The following INPP4B variants were observed in gnomAD, a reference collection of about 807,000 sequenced individuals.
The protein encoded by INPP4B is inositol polyphosphate 4-phosphatase type II.
INPP4B carries 55 observed loss-of-function variants against 122.5 expected under a neutral mutation model. That is an observed-to-expected ratio of 0.45 (90% CI 0.36 to 0.56). The LOEUF (loss-of-function observed/expected upper bound fraction) is 0.56, where lower values mean the gene tolerates loss of function less well. INPP4B is among the 20% of genes least tolerant of loss of function. INPP4B has a pLI of 0.00. For missense variants in INPP4B, 1,000 were observed against 1,097.7 expected (o/e 0.91, Z 1.26); for synonymous variants, 403 against 388.7 (o/e 1.04, Z -0.43).
chr4:142,067,551 C>A (rs924593454), intron 25 of INPP4B, among the ~76,000 whole-genome samples: 2 of 152,120 alleles, frequency 1.3e-5, no homozygotes, highest in Non-Finnish European at 1.5e-5. Context: ...GGAGGATGTT[C>A]AAACCCATTG....
At chr4:142,278,356 CAG>C (rs928650383) in intron 9 of INPP4B, among the ~76,000 whole-genome samples, 2 of 151,850 alleles carry the variant, frequency 1.3e-5, no homozygotes, top group African/African-American at 4.8e-5. Context: ...TTAGTGTAGA[CAG>C]AGAGAGCTCC....
chr4:142,136,821 T>C (rs1190694417), intron 18 of INPP4B, among the ~76,000 whole-genome samples: 1 of 152,128 alleles, frequency 6.6e-6, no homozygotes, highest in Admixed American at 6.5e-5. Context: ...TTCATTAAGA[T>C]ATCAAGGACA....
chr4:142,766,336 A>C (rs1237279496), intron 1 of INPP4B, among the ~76,000 whole-genome samples: 2 of 152,010 alleles, frequency 1.3e-5, no homozygotes. Context: ...TCATTAAATA[A>C]TTCGTTTATG....
chr4:142,033,351 C>A (rs1232832028), intron 25 of INPP4B, among the ~76,000 whole-genome samples: 1 of 152,118 alleles, frequency 6.6e-6, no homozygotes, highest in Non-Finnish European at 1.5e-5. Flanking sequence ...GACCATGGGC[C>A]AGTGGTCATT....
intron 7 of INPP4B, among the ~76,000 whole-genome samples, chr4:142,367,201 T>TGC (rs1409627620): frequency 6.6e-6 from 1 of 151,480 alleles, no homozygotes; most frequent in Non-Finnish European, 1.5e-5. Context: ...TGTGTGTGTG[T>TGC]GTGTGTGTGT....
intron 2 of INPP4B, among the ~76,000 whole-genome samples, chr4:142,633,230 T>C (rs1410601291): frequency 6.6e-6 from 1 of 152,034 alleles, no homozygotes; most frequent in Non-Finnish European, 1.5e-5. Flanking sequence ...CACCTAATAC[T>C]ATAGTTTCAA....
At position 142,838,022 on chromosome 4, in the gene INPP4B, G is replaced by A. The variant is rs541750890; in HGVS notation, c.-254+8187C>T. On this transcript the variant is annotated intron_variant, in intron 1 of 25. Coordinates refer to ENST00000262992, the MANE Select transcript of INPP4B (RefSeq NM_001101669.3). ...AAGCTAGACAAGTGCTTACAGCCAT[G>A]GGAAAGTGGTGTTTTTTTTTTTTTA... Among the ~76,000 whole-genome samples, 24 of 149,482 alleles carry A rather than the reference G, an allele frequency of 1.6e-4. No homozygotes were observed. In the South Asian group the frequency reaches 3.7e-3, roughly 23 times the overall value.
chr4:142,488,926 C>G (rs1821515890), intron 2 of INPP4B, among the ~76,000 whole-genome samples: 1 of 151,976 alleles, frequency 6.6e-6, no homozygotes, highest in Non-Finnish European at 1.5e-5. Flanking sequence ...CCTTTTCAAG[C>G]CTTTTAACGT....
At chr4:142,411,570 T>C (rs1393766067) in intron 5 of INPP4B, among the ~76,000 whole-genome samples, 1 of 152,038 alleles carries the variant, frequency 6.6e-6, no homozygotes, top group Non-Finnish European at 1.5e-5. Flanking sequence ...CAGAGGACAT[T>C]GGCATCCTAG....
At chr4:142,537,429 T>TATAGAGAGAG (rs1200701380) in intron 2 of INPP4B, among the ~76,000 whole-genome samples, 13 of 25,480 alleles carry the variant, frequency 5.1e-4, no homozygotes, top group Non-Finnish European at 1.0e-3. Flanking sequence ...TATATATATA[T>TATAGAGAGAG]AGAGAGAGAG....
chr4:142,354,984 G>T (rs929265786), intron 7 of INPP4B, among the ~76,000 whole-genome samples: 3 of 152,028 alleles, frequency 2.0e-5, no homozygotes, highest in East Asian at 2.0e-4. Flanking sequence ...CTCGTGGCTC[G>T]AGTGGGGCTT....
At chr4:142,231,870 G>GA (rs1854524998) in intron 12 of INPP4B, among the ~76,000 whole-genome samples, 1 of 152,010 alleles carries the variant, frequency 6.6e-6, no homozygotes, top group Non-Finnish European at 1.5e-5. Flanking sequence ...ATTATAAAAA[G>GA]AAAGTATAGG....
At chr4:142,096,755 A>G (rs895427031) in intron 23 of INPP4B, among the ~76,000 whole-genome samples, 13 of 152,162 alleles carry the variant, frequency 8.5e-5, no homozygotes, top group Non-Finnish European at 1.6e-4. Flanking sequence ...AAAATATATG[A>G]ACAGAAAATA....
rs573982300 is a variant in INPP4B at position 142,117,316 on chromosome 4, C to T, written c.2136-4634G>A. On this transcript the variant is annotated intron_variant, in intron 21 of 25. Transcript: ENST00000262992. ...ATCCTCCCTAACTCACTTTATGAGG[C>T]CAGCATCATCCTGATACCAAAGCCT... Among the ~76,000 whole-genome samples the T allele has an allele frequency of 4.6e-5, 7 of 152,240 alleles. No homozygotes were observed. The South Asian group carries it at 8.3e-4, about 18-fold the overall frequency.
At chr4:142,796,371 T>G (rs993713287) in intron 1 of INPP4B, among the ~76,000 whole-genome samples, 5 of 151,860 alleles carry the variant, frequency 3.3e-5, no homozygotes, top group Non-Finnish European at 5.9e-5. Flanking sequence ...GGTTCGGCAG[T>G]CAAATTATTA....
intron 1 of INPP4B, among the ~76,000 whole-genome samples, chr4:142,746,363 A>G (rs529337671): frequency 2.0e-5 from 3 of 152,226 alleles, no homozygotes; most frequent in South Asian, 4.2e-4. Flanking sequence ...CTGCTCAAAG[A>G]AAAAAGAGAG....
At chr4:142,032,263 CCA>C (rs1740706980) in intron 25 of INPP4B, among the ~76,000 whole-genome samples, 1 of 150,168 alleles carries the variant, frequency 6.7e-6, no homozygotes. Context: ...GTGGGAAAGC[CCA>C]GGCTACCAGG....
intron 2 of INPP4B, among the ~76,000 whole-genome samples, chr4:142,720,860 G>T (rs1248885564): frequency 8.4e-6 from 1 of 119,486 alleles, no homozygotes; most frequent in Non-Finnish European, 1.8e-5. Flanking sequence ...TTGAGACAGG[G>T]TCTTACTTTG....
intron 2 of INPP4B, among the ~76,000 whole-genome samples, chr4:142,562,493 C>A (rs1201467048): frequency 6.6e-6 from 1 of 152,130 alleles, no homozygotes; most frequent in African/African-American, 2.4e-5. Flanking sequence ...AATTCTAGGA[C>A]TTTTTCCCCT....
Sources: allele counts gnomAD v4.1 joint callset (sites outside exome capture counted in the v4.1 genomes callset), GRCh38; gene constraint gnomAD v4.1.1; transcripts MANE v1.5; gene names NCBI Gene and HGNC (gene_info 2026-07-23, HGNC 2026-07-21).